The following NLRP2 variants were observed in gnomAD, a reference collection of about 807,000 sequenced individuals.
The protein encoded by NLRP2 is NACHT, LRR and PYD domains-containing protein 2.
NLRP2 carries 107 observed loss-of-function variants against 97.2 expected under a neutral mutation model. That is an observed-to-expected ratio of 1.10 (90% CI 0.94 to 1.29). The LOEUF (loss-of-function observed/expected upper bound fraction) is 1.29. NLRP2 is among the 50% of genes most tolerant of loss of function. The probability of loss-of-function intolerance (pLI) is 0.00; values close to 1 mark genes in which losing one functional copy is unlikely to be tolerated. For synonymous variants in NLRP2, 663 were observed against 551.5 expected, an observed-to-expected ratio of 1.20 and a Z score of -2.83; for missense variants, 1,495 against 1,330.3, an observed-to-expected ratio of 1.12 and a Z score of -1.93.
At chr19:54,993,289 T>C (rs539899091) in intron 10 of NLRP2, 33 of 151,528 alleles carry the variant, frequency 2.2e-4, no homozygotes, top group African/African-American at 8.0e-4. Flanking sequence ...CACTTCTCCA[T>C]CGTCATGGAC....
At chr19:54,984,329 GTTTTTTTTTTTTT>G (rs200366059) in intron 6 of NLRP2, among the ~76,000 whole-genome samples, 14 of 79,670 alleles carry the variant, frequency 1.8e-4, no homozygotes, top group Admixed American at 1.5e-3. Flanking sequence ...TTTTTTTTGT[GTTTTTTTTTTTTT>G]TTTTTTTTTT....
intron 7 of NLRP2, 37 bp downstream of exon 7, chr19:54,985,254 G>A (rs956563434): frequency 6.9e-6 from 11 of 1,591,852 alleles, no homozygotes; most frequent in Middle Eastern, 3.3e-4. Flanking sequence ...AAATCCTTAG[G>A]GTATGAAAAT....
intron 3 of NLRP2, among the ~76,000 whole-genome samples, chr19:54,975,775 G>T (rs548379391): frequency 6.6e-6 from 1 of 151,680 alleles, no homozygotes; most frequent in African/African-American, 2.4e-5. Context: ...TTTTGAGATG[G>T]GGTCTTGCTG....
At chr19:54,969,414 G>T (rs1345470583) in intron 1 of NLRP2, among the ~76,000 whole-genome samples, 1 of 150,198 alleles carries the variant, frequency 6.7e-6, no homozygotes, top group Non-Finnish European at 1.5e-5. Context: ...GGAGGCAGAG[G>T]TTGTAGTGAG....
rs75678776 is a variant in NLRP2, at chr19:54,970,087, C to T, written c.72C>T (p.Ser24=). 1.2e-6 allele frequency: 2 copies of T among 1,614,040 alleles called. No individual in the cohort carries two copies. The highest frequency in any genetic ancestry group is 3.3e-5 in the Admixed American group (2 of 59,966). ...LLEQLSQDEL[S]KFKYLITTFS... is the part of the protein sequence containing the mutation. ...AGCAGCTCAGCCAGGATGAGTTGAG[C>T]AAGTTCAAGTATCTGATCACGACCT... is the stretch of plus-strand genomic sequence containing the variant. Residue 24 remains serine (S), a synonymous_variant, in exon 2 of 13, where the codon AGC becomes AGT. Coordinates refer to ENST00000448584, the MANE Select transcript of NLRP2 (RefSeq NM_017852.5).
intron 2 of NLRP2, chr19:54,973,978 G>A: frequency 1.7e-6 from 2 of 1,198,850 alleles, no homozygotes; most frequent in South Asian, 1.2e-5. Flanking sequence ...CGATTTTCCG[G>A]AAAAAGGCTA....
At chr19:54,974,648 C>G in intron 3 of NLRP2, 104 bp downstream of exon 3, 3 of 876,552 alleles carry the variant, frequency 3.4e-6, no homozygotes, top group Non-Finnish European at 5.7e-6. Context: ...AAAGAAATGC[C>G]GGACTTAGCA....
At chr19:54,981,509 GCC>G in intron 4 of NLRP2, 106 bp from the exon 5 acceptor site, 2 of 386,504 alleles carry the variant, frequency 5.2e-6, no homozygotes, top group South Asian at 2.1e-5. Flanking sequence ...CTGATCCCGT[GCC>G]CCCCCTCCCC....
Position 54,985,175 on chromosome 19 carries a change from GTGAACAAATAGCCTC to G in NLRP2, c.2163_2177del (p.Glu721_Ser725del). ...AGTGCCTCCCTAGTAAGGATCCTGT[GTGAACAAATAGCCTC>G]TGACACCTGTCATCTCCAGAGAGTG... On this transcript the variant is annotated inframe_deletion, in exon 7 of 13. Transcript: ENST00000448584. The G allele has an allele frequency of 6.2e-7, 1 of 1,614,122 alleles. No individual in the cohort carries two copies. Among genetic ancestry groups the G allele is most frequent in the Non-Finnish European group, 8.5e-7 (1 of 1,180,032 alleles).
rs1317192396 is a variant in NLRP2 at position 54,970,243 on chromosome 19, T to A, written c.228T>A (p.Phe76Leu). The change falls in exon 2 of 13, where the codon TTT becomes TTA. Residue 76 changes from phenylalanine (F) to leucine (L), a missense_variant. Physicochemically the swap from Phe to Leu is conservative, Grantham distance 22. Transcript: ENST00000448584. ...TGGAGATGGCGAGCCTCCAGGTCTTTGAAAAGATGCACCGAATGGATCTGT... is the reference window on the plus strand; with the variant it reads ...TGGAGATGGCGAGCCTCCAGGTCTTAGAAAAGATGCACCGAATGGATCTGT... ...YWVEMASLQVFEKMHRMDLSE... is the reference protein window; with the variant it reads ...YWVEMASLQVLEKMHRMDLSE... 2 of 1,614,132 alleles carry A rather than the reference T, an allele frequency of 1.2e-6. No homozygotes were observed. The highest frequency in any genetic ancestry group is 4.5e-5 in the East Asian group (2 of 44,878).
intron 11 of NLRP2, among the ~76,000 whole-genome samples, chr19:54,997,067 C>T (rs984352951): frequency 3.3e-5 from 5 of 152,136 alleles, no homozygotes; most frequent in African/African-American, 9.7e-5. Context: ...GTCACCACGC[C>T]CAGCTAACTT....
At position 54,990,058 on chromosome 19, in the gene NLRP2, T is replaced by G; in HGVS notation, c.2403T>G (p.Ala801=). The part of the protein sequence containing the change: ...VSCSATTQQW[A]DLSLALEVNQ... ...GTTCCGCTACCACTCAGCAGTGGGC[T>G]GATCTCTCCTTGGCCCTTGAAGTCA... Residue 801 remains alanine, a synonymous_variant, in exon 9 of 13, where the codon GCT becomes GCG. Coordinates refer to ENST00000448584, the MANE Select transcript of NLRP2 (RefSeq NM_017852.5). 6.2e-7 allele frequency: 1 copy of G among 1,614,036 alleles called. No individual in the cohort carries two copies. The highest frequency in any genetic ancestry group is 8.5e-7 in the Non-Finnish European group (1 of 1,180,024).
intron 11 of NLRP2, among the ~76,000 whole-genome samples, chr19:54,995,678 A>G (rs1272594334): frequency 6.6e-6 from 1 of 152,052 alleles, no homozygotes. Context: ...CTATCTTACA[A>G]ATACCTTGTG....
chr19:54,986,755 C>T (rs1435077712), intron 8 of NLRP2, among the ~76,000 whole-genome samples: 1 of 152,070 alleles, frequency 6.6e-6, no homozygotes, highest in Non-Finnish European at 1.5e-5. Context: ...CGCCACATTG[C>T]CAGGCTGGTC....
rs755181641 is a variant in NLRP2, at chr19:54,983,052, C to A, written c.1354C>A (p.Leu452Ile). The A allele has an allele frequency of 8.7e-6, 14 of 1,611,606 alleles. No homozygotes were observed. The highest frequency in any genetic ancestry group is 1.2e-5 in the Non-Finnish European group (14 of 1,179,416). ...QLRGALRTLS[L>I]LAAQGLWAQT... ...GCGGGGCGCGCTGCGGACGCTGAGC[C>A]TCCTGGCCGCGCAGGGCCTGTGGGC... is the stretch of plus-strand genomic sequence containing the variant. The change falls in exon 6 of 13, where the codon CTC becomes ATC. Residue 452 changes from leucine to isoleucine, a missense_variant. Physicochemically the swap from Leu to Ile is conservative, Grantham distance 5. Transcript: ENST00000448584.
intron 3 of NLRP2, among the ~76,000 whole-genome samples, chr19:54,977,277 C>G (rs1300979163): frequency 6.6e-6 from 1 of 151,948 alleles, no homozygotes; most frequent in Non-Finnish European, 1.5e-5. Context: ...CAAAATTAGC[C>G]AGGTATGGTG....
chr19:54,978,889 T>C (rs2071407282), intron 4 of NLRP2, among the ~76,000 whole-genome samples: 1 of 151,668 alleles, frequency 6.6e-6, no homozygotes, highest in Non-Finnish European at 1.5e-5. Context: ...GTATTTATGG[T>C]ACATTGCTCA....
At chr19:54,974,317 C>G (rs1315756060) in intron 2 of NLRP2, 183 bp from the exon 3 acceptor site, 30 of 648,084 alleles carry the variant, frequency 4.6e-5, no homozygotes, top group Non-Finnish European at 7.9e-5. Flanking sequence ...TTGTGCCACT[C>G]CAGCCTGGGC....
intron 4 of NLRP2, 22 bp from the exon 5 acceptor site, chr19:54,981,595 C>T (rs760322670): frequency 2.3e-6 from 3 of 1,291,546 alleles, no homozygotes; most frequent in East Asian, 3.7e-5. Flanking sequence ...GTGTCAATCT[C>T]ACATGAGTTT....
Sources: gnomAD v4.1 joint callset for allele counts (sites outside exome capture counted in the v4.1 genomes callset) on GRCh38, gnomAD v4.1.1 for gene constraint, MANE v1.5 for transcripts, NCBI Gene and HGNC (gene_info 2026-07-23, HGNC 2026-07-21) for gene names.